The following NINL variants were observed in gnomAD, a reference collection of about 807,000 sequenced individuals.
The protein encoded by NINL is ninein like.
NINL carries 153 observed loss-of-function variants against 160.3 expected under a neutral mutation model. That is an observed-to-expected ratio of 0.95 (90% confidence interval 0.84 to 1.09). The LOEUF is 1.09. NINL is among the 50% of genes least tolerant of loss of function. The pLI is 0.00. For missense variants in NINL, 1,829 were observed against 1,764.0 expected, an observed-to-expected ratio of 1.04 and a Z score of -0.66; for synonymous variants, 800 against 734.8, an observed-to-expected ratio of 1.09 and a Z score of -1.43.
In NINL at chr20:25,461,632, C is replaced by T; in HGVS notation, c.3586G>A (p.Asp1196Asn). The change falls in exon 21 of 24, where the codon GAC (aspartate) becomes AAC (asparagine). Residue 1196 changes from aspartate to asparagine, a missense_variant. Coordinates refer to ENST00000278886, the MANE Select transcript of NINL (RefSeq NM_025176.6). ...EVVRSGQQQS[D>N]QIQKLRVELE... ...TCAACTCTAAGTTTTTGGATTTGGT[C>T]ACTCTGTTTTTAAAAAATCAATTGC... The T allele has an allele frequency of 6.2e-7, 1 of 1,607,110 alleles. No homozygotes were observed. The highest frequency in any genetic ancestry group is 8.5e-7 in the Non-Finnish European group (1 of 1,174,444).
intron 1 of NINL, among the ~76,000 whole-genome samples, chr20:25,560,848 A>G (rs1317405685): frequency 6.6e-6 from 1 of 152,188 alleles, no homozygotes; most frequent in East Asian, 1.9e-4. Context: ...GATAGTAAAA[A>G]TATCTTTCAC....
At chr20:25,473,313 A>G (rs2063150132) in intron 17 of NINL, among the ~76,000 whole-genome samples, 1 of 152,112 alleles carries the variant, frequency 6.6e-6, no homozygotes, top group Admixed American at 6.5e-5. Context: ...ACTTTAATAA[A>G]AAGTTAAAAA....
intron 3 of NINL, among the ~76,000 whole-genome samples, chr20:25,515,876 T>C (rs2064151684): frequency 1.3e-5 from 2 of 152,128 alleles, no homozygotes; most frequent in African/African-American, 2.4e-5. Context: ...GTTCACACCA[T>C]TCTCCTGCCT....
At position 25,510,849 on chromosome 20, in the gene NINL, T is replaced by TATGG. The variant is rs2064057265; in HGVS notation, c.451-113_451-110dup. 7.3e-6 allele frequency: 6 copies of TATGG among 822,500 alleles called. No individual in the cohort carries two copies. The South Asian group carries it at 9.7e-5, about 13-fold the overall frequency. 51.0% of individuals were successfully genotyped at this position (822,500 alleles called of 1,614,324 possible). ...TTTGGGGAAGTGGGGGATGGCTGAG[T>TATGG]ATGGAGTCAATCCCTCAGAGGAAAA... On this transcript the variant is annotated intron_variant, in intron 4 of 23. Coordinates refer to ENST00000278886, the MANE Select transcript of NINL (RefSeq NM_025176.6).
At chr20:25,523,253 AATAT>A (rs141751406) in intron 2 of NINL, among the ~76,000 whole-genome samples, 2 of 148,998 alleles carry the variant, frequency 1.3e-5, no homozygotes, top group Non-Finnish European at 3.0e-5. Context: ...TATATGAGAG[AATAT>A]ATATATATAT....
At chr20:25,526,280 A>G (rs2064356105) in intron 2 of NINL, 128 bp downstream of exon 2, 1 of 831,294 alleles carries the variant, frequency 1.2e-6, no homozygotes, top group Admixed American at 2.4e-5. Context: ...AAACTAGGAC[A>G]CTGTTCCATT....
intron 17 of NINL, among the ~76,000 whole-genome samples, chr20:25,472,367 A>ATATATATATATATAT (rs59997231): frequency 5.2e-5 from 5 of 96,870 alleles, no homozygotes; most frequent in Non-Finnish European, 1.1e-4. Flanking sequence ...ATATATATAT[A>ATATATATATATATAT]CTTTTTTTTT....
At chr20:25,534,283 A>C (rs1281678351) in intron 1 of NINL, among the ~76,000 whole-genome samples, 5 of 151,974 alleles carry the variant, frequency 3.3e-5, no homozygotes, top group African/African-American at 4.8e-5. Context: ...CTTGCAATGT[A>C]TTTTTCTCCT....
intron 11 of NINL, 74 bp from the exon 12 acceptor site, chr20:25,490,059 G>T (rs1044153199): frequency 4.5e-6 from 6 of 1,328,714 alleles, no homozygotes; most frequent in Admixed American, 1.7e-5. Flanking sequence ...GAGGTGAGAG[G>T]CTTGCTTCTC....
chr20:25,489,918 G>A lies in NINL; in HGVS notation c.1553C>T (p.Ala518Val). The A allele has an allele frequency of 6.2e-7, 1 of 1,614,182 alleles. No homozygotes were observed. Among genetic ancestry groups the A allele is most frequent in the East Asian group, 2.2e-5 (1 of 44,882 alleles). Residue 518 changes from alanine (A) to valine (V), a missense_variant, in exon 12 of 24, where the codon GCC becomes GTC. Transcript: ENST00000278886. ...VEKLSDSERLALKLQKDLEFV... is the reference protein window; with the variant it reads ...VEKLSDSERLVLKLQKDLEFV... ...CTCCAGGTCCTTCTGCAGCTTCAGG[G>A]CCAGCCTCTCCGAATCCGAAAGCTT...
At chr20:25,475,997 T>G in intron 17 of NINL, 46 bp downstream of exon 17, 1 of 1,571,002 alleles carries the variant, frequency 6.4e-7, no homozygotes, top group Non-Finnish European at 8.6e-7. Flanking sequence ...TAGTTCTGCA[T>G]TTTTAGTTTG....
At chr20:25,496,855 C>T (rs749199811) in intron 9 of NINL, 52 bp from the exon 10 acceptor site, 89 of 1,600,096 alleles carry the variant, frequency 5.6e-5, no homozygotes, top group Middle Eastern at 1.7e-4. Flanking sequence ...TGGCCTGACC[C>T]GCCATGCCAG....
chr20:25,546,324 T>C (rs2064731680), intron 1 of NINL, among the ~76,000 whole-genome samples: 1 of 152,212 alleles, frequency 6.6e-6, no homozygotes, highest in South Asian at 2.1e-4. Flanking sequence ...GATTTCTCCA[T>C]ACCTGTTATT....
At chr20:25,467,832 T>C (rs530117132) in intron 18 of NINL, among the ~76,000 whole-genome samples, 138 of 152,176 alleles carry the variant, frequency 9.1e-4, no homozygotes, top group African/African-American at 3.1e-3. Flanking sequence ...GCAGAGTGAA[T>C]AGAGACCGAA....
chr20:25,531,221 T>C (rs2064453852), intron 1 of NINL, among the ~76,000 whole-genome samples: 1 of 152,254 alleles, frequency 6.6e-6, no homozygotes, highest in Non-Finnish European at 1.5e-5. Flanking sequence ...TTATCTCTCT[T>C]GTTCCCTGAA....
Position 25,462,525 on chromosome 20 carries a change from T to C in NINL, c.3440A>G (p.Asp1147Gly). The C allele has an allele frequency of 6.2e-7, 1 of 1,601,150 alleles. No homozygotes were observed. The highest frequency in any genetic ancestry group is 1.1e-5 in the South Asian group (1 of 87,476). Residue 1147 changes from aspartate to glycine, a missense_variant, in exon 20 of 24, where the codon GAT becomes GGT. Asp to Gly is a moderately conservative substitution (Grantham distance 94). Coordinates refer to ENST00000278886, the MANE Select transcript of NINL (RefSeq NM_025176.6). ...CCTGACATTGAGCTGGGATAATTGA[T>C]CCTTGTAGTTCTGATTCTGGGGGAA... ...VLNRQNQNYK[D>G]QLSQLNVRVL...
intron 6 of NINL, 34 bp from the exon 7 acceptor site, chr20:25,504,138 A>G: frequency 6.5e-7 from 1 of 1,532,978 alleles, no homozygotes; most frequent in South Asian, 1.3e-5. Flanking sequence ...AGGCCCACCC[A>G]CAAGAGCTCC....
chr20:25,545,721 C>T (rs1263852518), intron 1 of NINL, among the ~76,000 whole-genome samples: 8 of 152,200 alleles, frequency 5.3e-5, no homozygotes, highest in Non-Finnish European at 1.0e-4. Context: ...AGACAGATAG[C>T]AAGCCCTGGA....
In NINL at chr20:25,477,089, C is replaced by T; in HGVS notation, c.2202G>A (p.Arg734=). ...CACTCAGCTCCGCCTCAGCCTCTCT[C>T]CTGTGGAAGTAGAACCGTCACACAC... The part of the protein sequence containing the change: ...LRHHSHLQQI[R]REAEAELSGE... The change falls in exon 17 of 24, where the codon AGG becomes AGA. Residue 734 remains arginine, a splice_region_variant and synonymous_variant. Coordinates refer to ENST00000278886, the MANE Select transcript of NINL (RefSeq NM_025176.6). 6.3e-7 allele frequency: 1 copy of T among 1,590,302 alleles called. No individual in the cohort carries two copies. The highest frequency in any genetic ancestry group is 8.5e-7 in the Non-Finnish European group (1 of 1,175,918).
Sources: allele counts gnomAD v4.1 joint callset (sites outside exome capture counted in the v4.1 genomes callset), GRCh38; gene constraint gnomAD v4.1.1; transcripts MANE v1.5; gene names NCBI Gene and HGNC (gene_info 2026-07-23, HGNC 2026-07-21).